The following CIC variants were observed in gnomAD, a reference collection of about 807,000 sequenced individuals.
The protein encoded by CIC is protein capicua homolog.
A neutral mutation model predicts 115.7 loss-of-function variants in CIC; 18 were observed. That is an observed-to-expected ratio of 0.16 (90% CI 0.11 to 0.23). The LOEUF (loss-of-function observed/expected upper bound fraction) is 0.23. CIC is among the 10% of genes least tolerant of loss of function. The pLI, the probability that CIC is intolerant of heterozygous loss-of-function variation, is 1.00. For synonymous variants in CIC, 1,076 were observed against 923.0 expected, an observed-to-expected ratio of 1.17 and a Z score of -3.01; for missense variants, 2,000 against 2,159.3, an observed-to-expected ratio of 0.93 and a Z score of 1.46.
In CIC at chr19:42,290,121, G is replaced by A. The variant is rs2037966643; in HGVS notation, c.4192-112G>A. On this transcript the variant is annotated intron_variant, in intron 10 of 20. Coordinates refer to ENST00000681038, the MANE Select transcript of CIC (RefSeq NM_001386298.1). Reference sequence around the variant, plus strand: ...GATGAATTGAGGCCTTCAGCTGGCAGGGGTGCAGCCCTAGGCTGGCCTGGC... The same window carrying A: ...GATGAATTGAGGCCTTCAGCTGGCAAGGGTGCAGCCCTAGGCTGGCCTGGC... 3.9e-6 allele frequency: 6 copies of A among 1,520,528 alleles called. No homozygotes were observed. In the Admixed American group the frequency reaches 5.0e-5, roughly 13 times the overall value. The allele number at this position is 1,520,528 out of a possible 1,614,324, so 94.2% of individuals were successfully genotyped here. A position where few individuals can be genotyped will look rare whatever the true frequency, so the allele number is the denominator to read the frequency against.
intron 1 of CIC, among the ~76,000 whole-genome samples, chr19:42,271,523 C>T (rs1203745070): frequency 6.6e-6 from 1 of 152,178 alleles, no homozygotes; most frequent in Admixed American, 6.5e-5. Flanking sequence ...AGCATGTGCT[C>T]TGTGTCCTTT....
At chr19:42,291,807 G>C (rs945120307) in intron 12 of CIC, 62 bp downstream of exon 12, 2 of 1,596,496 alleles carry the variant, frequency 1.3e-6, no homozygotes, top group Non-Finnish European at 1.7e-6. Flanking sequence ...TCATTTCTTT[G>C]TCTTTTTTTT....
Position 42,290,635 on chromosome 19 carries a change from G to A in CIC, c.4594G>A (p.Gly1532Arg), listed in dbSNP as rs747706524. Residue 1532 changes from glycine (G) to arginine (R), a missense_variant, in exon 11 of 21, where the codon GGA becomes AGA. Coordinates refer to ENST00000681038, the MANE Select transcript of CIC (RefSeq NM_001386298.1). ...GPSVIAAPPS[G>R]GGNILQTLVL... ...CTCAGTCATCGCGGCCCCTCCCAGC[G>A]GAGGAGGAAACATCCTGCAGACACT... The A allele has an allele frequency of 5.1e-5, 82 of 1,613,534 alleles. No homozygotes were observed. Among genetic ancestry groups the A allele is most frequent in the Non-Finnish European group, 6.5e-5 (77 of 1,179,986 alleles).
At position 42,272,294 on chromosome 19, in the gene CIC, C is replaced by T. The variant is rs1170304620; in HGVS notation, c.511C>T (p.His171Tyr). Reference sequence around the variant, plus strand: ...CTCCTCCACTGACACAGCCAGCGAGCACTCGGCGGACCTGGAGGATGAGCC... The same window carrying T: ...CTCCTCCACTGACACAGCCAGCGAGTACTCGGCGGACCTGGAGGATGAGCC... ...RSSSTDTASE[H>Y]SADLEDEPAE... The change falls in exon 2 of 21, where the codon CAC (histidine) becomes TAC (tyrosine). Residue 171 changes from histidine (H) to tyrosine (Y), a missense_variant. By Grantham distance (83) the His-to-Tyr change is moderately conservative (BLOSUM62 2). Transcript: ENST00000681038. 18 of 398,498 alleles carry T rather than the reference C, an allele frequency of 4.5e-5. No homozygotes were observed. The highest frequency in any genetic ancestry group is 7.1e-5 in the Non-Finnish European group (16 of 226,066). The allele number at this position is 398,498 out of a possible 1,614,324, so 24.7% of individuals were successfully genotyped here. A position where few individuals can be genotyped will look rare whatever the true frequency, so the allele number is the denominator to read the frequency against.
Position 42,286,584 on chromosome 19 carries a change from T to C in CIC, c.2795-187T>C, listed in dbSNP as rs557791086. 2.0e-5 allele frequency among the ~76,000 whole-genome samples: 3 copies of C among 149,554 alleles called. No homozygotes were observed. The East Asian group carries it at 6.0e-4, about 30-fold the overall frequency. Reference sequence around the variant, plus strand: ...CTGCTTCTGTTTTCTTTTTTATAAATCTAGAAACCTTTCAGGGAGGAGTTT... The same window carrying C: ...CTGCTTCTGTTTTCTTTTTTATAAACCTAGAAACCTTTCAGGGAGGAGTTT... On this transcript the variant is annotated intron_variant, in intron 2 of 20. Transcript: ENST00000681038.
At position 42,291,700 on chromosome 19, in the gene CIC, G is replaced by A. The variant is rs757275594; in HGVS notation, c.5568G>A (p.Pro1856=). ...GAGQPLPLVS[P]PFSVPVQNGA... Reference sequence around the variant, plus strand: ...GCCAGCCACTGCCACTGGTGAGCCCGCCCTTCTCAGTACCTGTGCAGAATG... The same window carrying A: ...GCCAGCCACTGCCACTGGTGAGCCCACCCTTCTCAGTACCTGTGCAGAATG... Residue 1856 remains proline (P), a synonymous_variant, in exon 12 of 21, where the codon CCG becomes CCA. Transcript: ENST00000681038. 2.5e-6 allele frequency: 4 copies of A among 1,612,832 alleles called. No homozygotes were observed. The highest frequency in any genetic ancestry group is 1.7e-5 in the Admixed American group (1 of 60,002).
chr19:42,281,438 T>G (rs1191608066), intron 2 of CIC, among the ~76,000 whole-genome samples: 1 of 151,986 alleles, frequency 6.6e-6, no homozygotes, highest in African/African-American at 2.4e-5. Context: ...CAGGCCTGGG[T>G]GTGGTGGCAC....
In CIC at chr19:42,291,588, C is replaced by T. The variant is rs750344282; in HGVS notation, c.5456C>T (p.Pro1819Leu). 1.2e-6 allele frequency: 2 copies of T among 1,613,036 alleles called. No homozygotes were observed. The highest frequency in any genetic ancestry group is 1.3e-5 in the African/African-American group (1 of 75,042). Residue 1819 changes from proline (P) to leucine (L), a missense_variant, in exon 12 of 21, where the codon CCC becomes CTC. Transcript: ENST00000681038. The part of the protein sequence containing the change: ...AQSVSPVQAP[P>L]PGGSAQLLPG... The stretch of plus-strand genomic sequence containing the variant: ...TCAGTTTCTCCCGTGCAGGCCCCGC[C>T]CCCGGGTGGCTCAGCCCAGCTGCTG...
Position 42,292,074 on chromosome 19 carries a change from C to G in CIC, c.5614-12C>G. 1 of 1,613,448 alleles carries G rather than the reference C, an allele frequency of 6.2e-7. No individual in the cohort carries two copies. Among genetic ancestry groups the G allele is most frequent in the Non-Finnish European group, 8.5e-7 (1 of 1,179,996 alleles). On this transcript the variant is annotated splice_polypyrimidine_tract_variant and intron_variant, in intron 12 of 20. Transcript: ENST00000681038. Reference sequence around the variant, plus strand: ...ACAGCTCACCCTGGCCTATGGGTGCCCTTCTCCACAGATCATCCAGCTGAC... The same window carrying G: ...ACAGCTCACCCTGGCCTATGGGTGCGCTTCTCCACAGATCATCCAGCTGAC...
In CIC at chr19:42,287,778, G is replaced by A. The variant is rs2147204171; in HGVS notation, c.3493-32G>A. On this transcript the variant is annotated intron_variant, in intron 6 of 20. Coordinates refer to ENST00000681038, the MANE Select transcript of CIC (RefSeq NM_001386298.1). This position sits in a 1 kb window ranked among gnomAD's most constrained non-coding sequence, Gnocchi z 8.7. ...CCCAGCTTCTTCTGGTGGGGTGGGTGAGTGAAGGGTTGCCCTGCCCTCTCC... is the reference window on the plus strand; with the variant it reads ...CCCAGCTTCTTCTGGTGGGGTGGGTAAGTGAAGGGTTGCCCTGCCCTCTCC... 6.2e-7 allele frequency: 1 copy of A among 1,614,132 alleles called. No individual in the cohort carries two copies. Among genetic ancestry groups the A allele is most frequent in the South Asian group, 1.1e-5 (1 of 91,082 alleles).
chr19:42,288,096 C>T (rs965480854), intron 7 of CIC, 121 bp downstream of exon 7: 23 of 1,169,998 alleles, frequency 2.0e-5, no homozygotes, highest in Admixed American at 4.1e-5. Context: ...TTTAATTTGG[C>T]GACCCTTATC....
rs145972182 is a variant in CIC at position 42,288,307 on chromosome 19, A to C, written c.3658+332A>C. On this transcript the variant is annotated intron_variant, in intron 7 of 20. Transcript: ENST00000681038. Reference sequence around the variant, plus strand: ...AGAAACTGAGGTTCAGAGAGGCAAAATCACTTGCTTAAAGTCATAAACAAG... The same window carrying C: ...AGAAACTGAGGTTCAGAGAGGCAAACTCACTTGCTTAAAGTCATAAACAAG... 2.9e-3 allele frequency among the ~76,000 whole-genome samples: 443 copies of C among 152,326 alleles called. 2 individuals are homozygous for C. Among genetic ancestry groups the C allele is most frequent in the Admixed American group, 7.6e-3 (116 of 15,302 alleles).
chr19:42,291,837 A>G (rs1353375066), intron 12 of CIC, 92 bp downstream of exon 12: 14 of 1,490,930 alleles, frequency 9.4e-6, no homozygotes, highest in Middle Eastern at 1.7e-4. Context: ...CTCCTTCTCC[A>G]TGTATCTGGT....
rs1568529564 is a variant in CIC at position 42,294,591 on chromosome 19, G to C, written c.7055-13G>C. ...CTGCTGCAGCCTTGCCATGCTGCCT[G>C]TGCCCTGCACAGGTACAGAAGCCGA... On this transcript the variant is annotated splice_polypyrimidine_tract_variant and intron_variant, in intron 19 of 20. Coordinates refer to ENST00000681038, the MANE Select transcript of CIC (RefSeq NM_001386298.1). The C allele has an allele frequency of 6.2e-7, 1 of 1,613,054 alleles. No homozygotes were observed. The highest frequency in any genetic ancestry group is 2.2e-5 in the East Asian group (1 of 44,868).
rs1484510921 is a variant in CIC, at chr19:42,280,970, A to C, written c.2795-5801A>C. ...AATCCCTGGGGACCATCCCCCACAC[A>C]CTCTCCCCAGTCTCTCTTTTCCTCC... On this transcript the variant is annotated intron_variant, in intron 2 of 20. Transcript: ENST00000681038. This position sits in a 1 kb window ranked among gnomAD's most constrained non-coding sequence, Gnocchi z 4.9. 1.7e-4 allele frequency among the ~76,000 whole-genome samples: 20 copies of C among 118,762 alleles called. No homozygotes were observed. The highest frequency in any genetic ancestry group is 3.1e-4 in the South Asian group (1 of 3,238). The allele number at this position is 118,762 out of a possible 152,430, so 77.9% of individuals were successfully genotyped here. A position where few individuals can be genotyped will look rare whatever the true frequency, so the allele number is the denominator to read the frequency against.
intron 2 of CIC, chr19:42,284,718 A>C (rs2037494027): frequency 6.4e-7 from 1 of 1,553,650 alleles, no homozygotes; most frequent in African/African-American, 1.4e-5. Context: ...TATTCGGCCC[A>C]CAGGCCCCTG....
intron 1 of CIC, among the ~76,000 whole-genome samples, chr19:42,271,384 C>T (rs2036785831): frequency 6.6e-6 from 1 of 152,164 alleles, no homozygotes; most frequent in Admixed American, 6.5e-5. Flanking sequence ...GATAGTAGCA[C>T]CTGCTTTTAG....
At chr19:42,284,243 G>T (rs895494696) in intron 2 of CIC, 1 of 147,186 alleles carries the variant, frequency 6.8e-6, no homozygotes, top group African/African-American at 2.5e-5. Flanking sequence ...GCCGTTACCC[G>T]CCGGAGCTGC....
At chr19:42,277,524 C>T (rs370187792) in intron 2 of CIC, among the ~76,000 whole-genome samples, 1 of 152,054 alleles carries the variant, frequency 6.6e-6, no homozygotes, top group African/African-American at 2.4e-5. Flanking sequence ...GTCACCACAC[C>T]GAGCTGTCAA....
Sources: allele counts gnomAD v4.1 joint callset (sites outside exome capture counted in the v4.1 genomes callset), GRCh38; gene constraint gnomAD v4.1.1; non-coding constraint Gnocchi (gnomAD v3.1); transcripts MANE v1.5; gene names NCBI Gene and HGNC (gene_info 2026-07-23, HGNC 2026-07-21).